Variants in SLC30A8 observed in about 807,000 individuals in gnomAD.
SLC30A8 encodes the protein proton-coupled zinc antiporter SLC30A8.
In SLC30A8, 27 loss-of-function variants were observed where a neutral mutation model predicts 36.9. The observed-to-expected ratio is 0.73, with a 90% CI of 0.54 to 1.01. The LOEUF (loss-of-function observed/expected upper bound fraction) is 1.01. SLC30A8 is among the 50% of genes least tolerant of loss of function. The pLI is 0.00. For synonymous variants in SLC30A8, 164 were observed against 172.4 expected, an observed-to-expected ratio of 0.95 and a Z score of 0.38; for missense variants, 439 against 452.0, an observed-to-expected ratio of 0.97 and a Z score of 0.26.
chr8:117,089,908 C>T (rs938197557), intron 2 of SLC30A8, among the ~76,000 whole-genome samples: 1 of 152,166 alleles, frequency 6.6e-6, no homozygotes, highest in South Asian at 2.1e-4. Context: ...CCTGGACATG[C>T]CTTGCTGCCT....
intron 1 of SLC30A8, among the ~76,000 whole-genome samples, chr8:117,146,667 A>G (rs931346371): frequency 2.6e-5 from 4 of 152,168 alleles, no homozygotes; most frequent in African/African-American, 7.2e-5. Flanking sequence ...TTCAAAATGT[A>G]TCTGCTTCTT....
intron 1 of SLC30A8, among the ~76,000 whole-genome samples, chr8:116,975,086 C>T (rs1179576598): frequency 1.3e-5 from 2 of 151,648 alleles, no homozygotes; most frequent in South Asian, 2.1e-4. Context: ...CTAATGTATA[C>T]CTAATGACGA....
chr8:117,033,084 C>G (rs1302419406), intron 1 of SLC30A8, among the ~76,000 whole-genome samples: 2 of 152,172 alleles, frequency 1.3e-5, no homozygotes, highest in Non-Finnish European at 2.9e-5. Flanking sequence ...GGTCCAGACT[C>G]TGTGGAAAAC....
At chr8:117,030,505 A>G (rs544153998) in intron 1 of SLC30A8, among the ~76,000 whole-genome samples, 3 of 152,298 alleles carry the variant, frequency 2.0e-5, no homozygotes, top group South Asian at 2.1e-4. Flanking sequence ...GGCATGCTCA[A>G]TGTCTGAACT....
intron 2 of SLC30A8, among the ~76,000 whole-genome samples, chr8:117,062,978 A>G (rs1024092352): frequency 1.3e-5 from 2 of 152,184 alleles, no homozygotes; most frequent in Non-Finnish European, 2.9e-5. Flanking sequence ...GACCTTTTGT[A>G]TGTAACACCA....
intron 1 of SLC30A8, among the ~76,000 whole-genome samples, chr8:117,001,511 C>T (rs1481029167): frequency 6.6e-6 from 1 of 152,046 alleles, no homozygotes; most frequent in Non-Finnish European, 1.5e-5. Context: ...TGAAAGCATC[C>T]TGATACAAGT....
At chr8:116,954,244 A>G (rs1036535674) in intron 1 of SLC30A8, among the ~76,000 whole-genome samples, 1 of 152,156 alleles carries the variant, frequency 6.6e-6, no homozygotes, top group African/African-American at 2.4e-5. Flanking sequence ...ATGGGGAGAC[A>G]TGAGAGTTCA....
At chr8:117,112,906 T>A (rs1313664533) in intron 2 of SLC30A8, among the ~76,000 whole-genome samples, 2 of 152,154 alleles carry the variant, frequency 1.3e-5, no homozygotes, top group African/African-American at 2.4e-5. Flanking sequence ...CTTCATTAAC[T>A]CAGTACTTAT....
At position 117,173,864 on chromosome 8, in the gene SLC30A8, T is replaced by C. The variant is rs1037462323; in HGVS notation, c.*1183T>C. ...AATAGTATCATGAATTGCAATGATG[T>C]AGTGGGGTATAAAAGGAAAGCGATG... is the stretch of plus-strand genomic sequence containing the variant. On this transcript the variant is annotated 3_prime_UTR_variant, in exon 8 of 8. Transcript: ENST00000456015. The C allele has an allele frequency of 1.3e-5, 2 of 152,198 alleles. No homozygotes were observed. The highest frequency in any genetic ancestry group is 1.9e-4 in the East Asian group (1 of 5,158). 9.4% of individuals were successfully genotyped at this position (152,198 alleles called of 1,614,324 possible).
chr8:117,106,951 T>C (rs1193394567), intron 2 of SLC30A8, among the ~76,000 whole-genome samples: 1 of 152,190 alleles, frequency 6.6e-6, no homozygotes, highest in Non-Finnish European at 1.5e-5. Flanking sequence ...TGCATAGCAC[T>C]GAGTCATCAG....
Position 117,031,968 on chromosome 8 carries a change from C to G in SLC30A8, c.-265-7251C>G, listed in dbSNP as rs185590904. ...TGGTAAGATATTTCCTTTCCACTTT[C>G]ACTCCTCATACTTACCTTCACATAC... is the stretch of plus-strand genomic sequence containing the variant. On this transcript the variant is annotated intron_variant, in intron 1 of 10. Transcript: ENST00000427715. Among the ~76,000 whole-genome samples the G allele has an allele frequency of 2.0e-5, 3 of 152,258 alleles. No individual in the cohort carries two copies. In the East Asian group the frequency reaches 5.8e-4, roughly 29 times the overall value.
intron 2 of SLC30A8, among the ~76,000 whole-genome samples, chr8:117,049,106 G>A (rs566768797): frequency 1.3e-5 from 2 of 152,264 alleles, no homozygotes; most frequent in African/African-American, 2.4e-5. Context: ...ATCAAAATGA[G>A]GGCTTTGTAA....
At chr8:117,161,635 C>A in intron 4 of SLC30A8, 103 bp from the exon 5 acceptor site, 2 of 1,048,604 alleles carry the variant, frequency 1.9e-6, no homozygotes, top group Non-Finnish European at 2.8e-6. Context: ...TTTCAACTAT[C>A]CATCATTTTG....
chr8:116,981,576 C>T lies in SLC30A8; in HGVS notation c.-266+30457C>T, dbSNP rs1268272718. Among the ~76,000 whole-genome samples the T allele has an allele frequency of 3.3e-5, 5 of 152,274 alleles. No individual in the cohort carries two copies. In the South Asian group the frequency reaches 1.0e-3, roughly 32 times the overall value. On this transcript the variant is annotated intron_variant, in intron 1 of 10. Coordinates refer to the SLC30A8 transcript ENST00000427715. Reference sequence around the variant, plus strand: ...ATCCTCCCATTCCTCCCTCTCACTACCCTCAAGCAGGTCCTAGTATCTGTT... The same window carrying T: ...ATCCTCCCATTCCTCCCTCTCACTATCCTCAAGCAGGTCCTAGTATCTGTT...
At chr8:117,003,432 T>A (rs1816078985) in intron 1 of SLC30A8, among the ~76,000 whole-genome samples, 1 of 152,244 alleles carries the variant, frequency 6.6e-6, no homozygotes, top group Non-Finnish European at 1.5e-5. Context: ...GTCAGTTTCC[T>A]CAGCTTTAAA....
chr8:116,963,550 A>G (rs562307407), intron 1 of SLC30A8, among the ~76,000 whole-genome samples: 2 of 152,352 alleles, frequency 1.3e-5, no homozygotes, highest in Non-Finnish European at 2.9e-5. Flanking sequence ...TTCACTTAGC[A>G]TAGTATTTTT....
At chr8:117,026,988 G>A (rs1458368569) in intron 1 of SLC30A8, among the ~76,000 whole-genome samples, 1 of 152,024 alleles carries the variant, frequency 6.6e-6, no homozygotes, top group Non-Finnish European at 1.5e-5. Context: ...TAACACTTTG[G>A]TTGTGAGGAG....
chr8:117,173,899 G>T lies in SLC30A8; in HGVS notation c.*1218G>T, dbSNP rs1265993850. The T allele has an allele frequency of 6.6e-6, 1 of 152,120 alleles. No individual in the cohort carries two copies. Among genetic ancestry groups the T allele is most frequent in the African/African-American group, 2.4e-5 (1 of 41,428 alleles). The allele number at this position is 152,120 out of a possible 1,614,324, so 9.4% of individuals were successfully genotyped here. ...TAAAAGGAAAGCGATGGATATTGCC[G>T]GATGGGCATGGCCAGTGATGTTTCA... On this transcript the variant is annotated 3_prime_UTR_variant, in exon 8 of 8. Transcript: ENST00000456015.
intron 3 of SLC30A8, among the ~76,000 whole-genome samples, chr8:117,157,287 T>G (rs1822543012): frequency 6.6e-6 from 1 of 152,200 alleles, no homozygotes; most frequent in African/African-American, 2.4e-5. Context: ...GGTCGTAAAT[T>G]TTTTATGGCA....
Sources: allele counts gnomAD v4.1 joint callset (sites outside exome capture counted in the v4.1 genomes callset), GRCh38; gene constraint gnomAD v4.1.1; transcripts MANE v1.5; gene names NCBI Gene and HGNC (gene_info 2026-07-23, HGNC 2026-07-21).